Variants in SLC1A2 observed in about 807,000 individuals in gnomAD.
The protein encoded by SLC1A2 is excitatory amino acid transporter 2.
In SLC1A2, 15 loss-of-function variants were observed where a neutral mutation model predicts 48.8. The observed-to-expected ratio is 0.31, with a 90% CI of 0.21 to 0.47. The LOEUF (loss-of-function observed/expected upper bound fraction) is 0.47. Ranked by LOEUF, SLC1A2 falls within the 20% of genes least tolerant of loss-of-function variation. The pLI, the probability that SLC1A2 is intolerant of heterozygous loss-of-function variation, is 0.99. For synonymous variants in SLC1A2, 279 were observed against 272.6 expected, an observed-to-expected ratio of 1.02 and a Z score of -0.23; for missense variants, 502 against 730.5, an observed-to-expected ratio of 0.69 and a Z score of 3.61.
chr11:35,401,058 T>C (rs1442857396), intron 1 of SLC1A2, among the ~76,000 whole-genome samples: 1 of 152,198 alleles, frequency 6.6e-6, no homozygotes, highest in Non-Finnish European at 1.5e-5. Context: ...GATTGGTAAT[T>C]GGTTGAAAAA....
intron 1 of SLC1A2, among the ~76,000 whole-genome samples, chr11:35,321,722 G>A (rs1431847846): frequency 6.6e-6 from 1 of 152,188 alleles, no homozygotes; most frequent in Non-Finnish European, 1.5e-5. Context: ...ACAGCCAGCA[G>A]GTTTGCTCCC....
rs181619860 is a variant in SLC1A2 at position 35,397,661 on chromosome 11, T to G, written c.17+21289A>C. On this transcript the variant is annotated intron_variant, in intron 1 of 10. Transcript: ENST00000278379. ...GTGATGGTATTTGGAGGTGAGTTTTTGGGAGGTGATTAGGTCAGGCAGGTG... is the reference window on the plus strand; with the variant it reads ...GTGATGGTATTTGGAGGTGAGTTTTGGGGAGGTGATTAGGTCAGGCAGGTG... Among the ~76,000 whole-genome samples the G allele has an allele frequency of 6.1e-3, 926 of 152,262 alleles. 11 individuals are homozygous for G. Among genetic ancestry groups the G allele is most frequent in the South Asian group, 0.013 (63 of 4,822 alleles).
intron 1 of SLC1A2, among the ~76,000 whole-genome samples, chr11:35,355,285 C>T (rs1853415974): frequency 6.6e-6 from 1 of 152,172 alleles, no homozygotes; most frequent in South Asian, 2.1e-4. Flanking sequence ...TGAGACCAAC[C>T]ATGGTGAGCT....
chr11:35,326,951 G>A (rs965115672), intron 1 of SLC1A2, among the ~76,000 whole-genome samples: 1 of 152,150 alleles, frequency 6.6e-6, no homozygotes, highest in Non-Finnish European at 1.5e-5. Context: ...GAATTGTCTG[G>A]AGGAACCCCT....
At chr11:35,288,189 G>A (rs1484847026) in intron 7 of SLC1A2, among the ~76,000 whole-genome samples, 3 of 152,188 alleles carry the variant, frequency 2.0e-5, no homozygotes, top group Non-Finnish European at 4.4e-5. Context: ...GATGCGAGAT[G>A]TGCATCTTAT....
chr11:35,278,058 A>T (rs775578745), intron 9 of SLC1A2, among the ~76,000 whole-genome samples: 2 of 152,168 alleles, frequency 1.3e-5, no homozygotes, highest in Non-Finnish European at 2.9e-5. Context: ...AGAATAACCA[A>T]GCTAGCAGGT....
intron 1 of SLC1A2, among the ~76,000 whole-genome samples, chr11:35,379,665 A>C (rs189456221): frequency 1.3e-5 from 2 of 152,290 alleles, no homozygotes; most frequent in Non-Finnish European, 2.9e-5. Flanking sequence ...GGCTTCCTCC[A>C]CTCACTTATG....
chr11:35,322,014 C>T (rs763475416), intron 1 of SLC1A2, among the ~76,000 whole-genome samples: 37 of 152,042 alleles, frequency 2.4e-4, no homozygotes, highest in Non-Finnish European at 4.6e-4. Flanking sequence ...AGTTCCAGTG[C>T]GCCAACTCAG....
At chr11:35,395,820 T>A (rs1380713858) in intron 1 of SLC1A2, among the ~76,000 whole-genome samples, 1 of 78,720 alleles carries the variant, frequency 1.3e-5, no homozygotes, top group African/African-American at 5.1e-5. Flanking sequence ...ATGCTATCCC[T>A]CCCCCCTCCC....
At chr11:35,366,422 A>G (rs1853851962) in intron 1 of SLC1A2, among the ~76,000 whole-genome samples, 1 of 152,198 alleles carries the variant, frequency 6.6e-6, no homozygotes, top group African/African-American at 2.4e-5. Context: ...CTAGGAAATT[A>G]AAACTCCTCA....
intron 1 of SLC1A2, among the ~76,000 whole-genome samples, chr11:35,369,428 C>G (rs745807658): frequency 6.6e-6 from 1 of 152,152 alleles, no homozygotes; most frequent in Non-Finnish European, 1.5e-5. Flanking sequence ...TTACCAGATG[C>G]CTTGAGGCTC....
chr11:35,286,552 G>A (rs1200321309), intron 8 of SLC1A2: 1 of 432,698 alleles, frequency 2.3e-6, no homozygotes, highest in Non-Finnish European at 4.2e-6. Context: ...GTTGACATGT[G>A]CAATACAAAC....
Position 35,306,128 on chromosome 11 carries a change from T to A in SLC1A2, c.676A>T (p.Thr226Ser), listed in dbSNP as rs1479675212. Residue 226 changes from threonine (T) to serine (S), a missense_variant, in exon 5 of 11, where the codon ACT becomes TCT. Coordinates refer to ENST00000278379, the MANE Select transcript of SLC1A2 (RefSeq NM_004171.4). ...NETVTEVPEETKMVIKKGLEF... is the reference protein window; with the variant it reads ...NETVTEVPEESKMVIKKGLEF... ...AGGCCCTTCTTGATAACCATCTTAG[T>A]CTCCTCCGGCACCTCAGTCACAGTC... The A allele has an allele frequency of 6.2e-7, 1 of 1,614,012 alleles. No homozygotes were observed. Among genetic ancestry groups the A allele is most frequent in the Admixed American group, 1.7e-5 (1 of 60,016 alleles).
intron 1 of SLC1A2, among the ~76,000 whole-genome samples, chr11:35,320,527 T>C (rs1852021477): frequency 6.6e-6 from 1 of 152,192 alleles, no homozygotes; most frequent in African/African-American, 2.4e-5. Context: ...TCTTGAAGGA[T>C]GGATTTAATT....
chr11:35,406,488 T>C (rs948262316), intron 1 of SLC1A2, among the ~76,000 whole-genome samples: 8 of 152,102 alleles, frequency 5.3e-5, no homozygotes, highest in Non-Finnish European at 2.9e-5. Context: ...GACCAAAGCA[T>C]GCTCCAGGAT....
chr11:35,394,837 T>A (rs1044572264), intron 1 of SLC1A2, among the ~76,000 whole-genome samples: 1 of 152,174 alleles, frequency 6.6e-6, no homozygotes, highest in Non-Finnish European at 1.5e-5. Context: ...CAAGGCACAA[T>A]AAAGACAACT....
chr11:35,299,717 AAG>A (rs931092404), intron 6 of SLC1A2: 2 of 33,458 alleles, frequency 6.0e-5, no homozygotes, highest in African/African-American at 4.9e-5. Flanking sequence ...GGAGATAAAA[AAG>A]AACAGATTTT....
At chr11:35,277,880 T>C (rs1850491806) in intron 9 of SLC1A2, among the ~76,000 whole-genome samples, 1 of 152,254 alleles carries the variant, frequency 6.6e-6, no homozygotes, top group Non-Finnish European at 1.5e-5. Flanking sequence ...CCAATGTCTT[T>C]ATTTCCCTTT....
At chr11:35,341,678 A>T (rs541435074) in intron 1 of SLC1A2, among the ~76,000 whole-genome samples, 20 of 152,302 alleles carry the variant, frequency 1.3e-4, no homozygotes, top group Middle Eastern at 3.4e-3. Context: ...TGGGAGTCCA[A>T]ACCGGTATTG....
Sources: gnomAD v4.1 joint callset for allele counts (sites outside exome capture counted in the v4.1 genomes callset) on GRCh38, gnomAD v4.1.1 for gene constraint, MANE v1.5 for transcripts, NCBI Gene and HGNC (gene_info 2026-07-23, HGNC 2026-07-21) for gene names.